Variants in RANBP17 observed in about 807,000 individuals in gnomAD.
The protein encoded by RANBP17 is RAN binding protein 17, also known as ran-binding protein 17.
A neutral mutation model predicts 141.2 loss-of-function variants in RANBP17; 158 were observed. The observed-to-expected ratio is 1.12, with a 90% CI of 0.98 to 1.28. RANBP17 has a LOEUF of 1.28. Ranked by LOEUF, RANBP17 falls within the 50% of genes most tolerant of loss-of-function variation. The probability of loss-of-function intolerance (pLI) is 0.00; values close to 1 mark genes in which losing one functional copy is unlikely to be tolerated. For synonymous variants in RANBP17, 430 were observed against 450.0 expected (o/e 0.96, Z 0.56); for missense variants, 1,438 against 1,290.7 (o/e 1.11, Z -1.75).
chr5:171,066,641 A>G (rs1784330056), intron 14 of RANBP17, among the ~76,000 whole-genome samples: 1 of 152,076 alleles, frequency 6.6e-6, no homozygotes, highest in East Asian at 1.9e-4. Flanking sequence ...GGGAGTGGAG[A>G]TATTTCTTCA....
intron 14 of RANBP17, chr5:171,158,530 A>G (rs1171117633): frequency 1.7e-5 from 3 of 179,288 alleles, no homozygotes; most frequent in East Asian, 9.3e-5. Context: ...AAGAAAAATT[A>G]TAACATAATA....
chr5:171,241,956 T>G (rs182721713), intron 23 of RANBP17, among the ~76,000 whole-genome samples: 2 of 152,024 alleles, frequency 1.3e-5, no homozygotes, highest in African/African-American at 4.8e-5. Flanking sequence ...GGTCTTAACA[T>G]CACTTTAAGA....
chr5:170,911,241 C>A, intron 7 of RANBP17, 107 bp downstream of exon 7: 3 of 988,188 alleles, frequency 3.0e-6, no homozygotes, highest in Non-Finnish European at 3.0e-6. Context: ...AAAAAAATAG[C>A]TCAAATGGAT....
intron 21 of RANBP17, among the ~76,000 whole-genome samples, chr5:171,216,906 T>C (rs1313440344): frequency 6.6e-6 from 1 of 152,210 alleles, no homozygotes; most frequent in Non-Finnish European, 1.5e-5. Context: ...CTTTATTTCT[T>C]TCTCTTGCCT....
chr5:171,276,073 C>T (rs575633107), intron 25 of RANBP17, among the ~76,000 whole-genome samples: 41 of 152,198 alleles, frequency 2.7e-4, no homozygotes, highest in African/African-American at 9.6e-4. Context: ...ACACAGCAGC[C>T]ATAATTTCTG....
chr5:171,165,733 C>T (rs897208014), intron 14 of RANBP17, among the ~76,000 whole-genome samples: 1 of 152,104 alleles, frequency 6.6e-6, no homozygotes, highest in Non-Finnish European at 1.5e-5. Flanking sequence ...GAAACGTATT[C>T]GTGTGGAAAT....
intron 14 of RANBP17, among the ~76,000 whole-genome samples, chr5:171,109,714 A>C (rs1003286240): frequency 3.9e-5 from 6 of 152,222 alleles, no homozygotes; most frequent in Non-Finnish European, 7.3e-5. Flanking sequence ...GAGAAAGTCC[A>C]TATATGTTCA....
intron 14 of RANBP17, among the ~76,000 whole-genome samples, chr5:171,097,408 T>C (rs1452290680): frequency 6.6e-6 from 1 of 151,502 alleles, no homozygotes; most frequent in East Asian, 1.9e-4. Context: ...GGAGCACAGC[T>C]TTGGGTCTTC....
At chr5:170,945,924 C>T (rs1774718321) in intron 12 of RANBP17, among the ~76,000 whole-genome samples, 1 of 152,140 alleles carries the variant, frequency 6.6e-6, no homozygotes, top group South Asian at 2.1e-4. Flanking sequence ...AGGGTTAGGA[C>T]TCATAATGTG....
intron 14 of RANBP17, among the ~76,000 whole-genome samples, chr5:171,029,990 C>T (rs1379087956): frequency 6.6e-6 from 1 of 152,032 alleles, no homozygotes; most frequent in Non-Finnish European, 1.5e-5. Context: ...CTTTCACCCA[C>T]ACATAGCAGA....
chr5:171,028,909 C>G (rs115174770), intron 14 of RANBP17: 1 of 1,288,658 alleles, frequency 7.8e-7, no homozygotes, highest in East Asian at 5.6e-5. Flanking sequence ...TGTGGCAAAC[C>G]TATCCAACTC....
chr5:171,118,898 A>G (rs749925059), intron 14 of RANBP17, among the ~76,000 whole-genome samples: 6 of 152,156 alleles, frequency 3.9e-5, no homozygotes, highest in Non-Finnish European at 7.3e-5. Flanking sequence ...CTCCTTTCCA[A>G]TTTATATGCC....
chr5:170,926,335 T>G (rs1434717208), intron 12 of RANBP17, among the ~76,000 whole-genome samples: 1 of 152,174 alleles, frequency 6.6e-6, no homozygotes, highest in Admixed American at 6.5e-5. Context: ...TTATTATACC[T>G]GCATTTTTGA....
chr5:171,258,797 C>G lies in RANBP17; in HGVS notation c.2777-6884C>G, dbSNP rs114837585. Among the ~76,000 whole-genome samples, 1,290 of 152,216 alleles carry G rather than the reference C, an allele frequency of 8.5e-3. 20 individuals carry two copies. Among genetic ancestry groups the G allele is most frequent in the African/African-American group, 0.03 (1,246 of 41,540 alleles). On this transcript the variant is annotated intron_variant, in intron 24 of 27. Transcript: ENST00000523189. ...ATACTAGAAGAAAACCTAGGGAAAA[C>G]TCTTCTGAACATTGATCTAGGCAAA... is the stretch of plus-strand genomic sequence containing the variant.
intron 14 of RANBP17, among the ~76,000 whole-genome samples, chr5:171,014,057 T>C (rs1238479057): frequency 6.6e-6 from 1 of 152,118 alleles, no homozygotes; most frequent in East Asian, 1.9e-4. Context: ...TGAATTGACC[T>C]CTTTATTATT....
At chr5:171,045,586 G>A (rs1782530038) in intron 14 of RANBP17, among the ~76,000 whole-genome samples, 1 of 152,078 alleles carries the variant, frequency 6.6e-6, no homozygotes, top group Non-Finnish European at 1.5e-5. Flanking sequence ...AGAAATAAAT[G>A]AGAACAAAGG....
In RANBP17 at chr5:170,895,941, G is replaced by A. The variant is rs944957705; in HGVS notation, c.424-109G>A. 34 of 506,468 alleles carry A rather than the reference G, an allele frequency of 6.7e-5. No individual in the cohort carries two copies. In the Admixed American group the frequency reaches 1.1e-3, roughly 17 times the overall value. 31.4% of individuals were successfully genotyped at this position (506,468 alleles called of 1,614,324 possible). A position where few individuals can be genotyped will look rare whatever the true frequency, so the allele number is the denominator to read the frequency against. The stretch of plus-strand genomic sequence containing the variant: ...AATTTTGTTTCCATTTTATTATTGA[G>A]TAAATGTGGTGTTTCAGTCTTTAAT... On this transcript the variant is annotated intron_variant, in intron 4 of 27. Transcript: ENST00000523189.
intron 25 of RANBP17, among the ~76,000 whole-genome samples, chr5:171,280,528 C>T (rs963783219): frequency 1.3e-5 from 2 of 152,168 alleles, no homozygotes; most frequent in Non-Finnish European, 2.9e-5. Flanking sequence ...GATCCACCCA[C>T]CTCCCAAAGT....
intron 19 of RANBP17, 76 bp downstream of exon 19, chr5:171,199,849 A>G (rs1762201506): frequency 3.6e-6 from 3 of 842,236 alleles, no homozygotes; most frequent in Middle Eastern, 6.3e-4. Context: ...AGGGCTTTGC[A>G]TATCTGTGTG....
Sources: gnomAD v4.1 joint callset for allele counts (sites outside exome capture counted in the v4.1 genomes callset) on GRCh38, gnomAD v4.1.1 for gene constraint, MANE v1.5 for transcripts, NCBI Gene and HGNC (gene_info 2026-07-23, HGNC 2026-07-21) for gene names.